The following ZNF610 variants were observed in gnomAD, a reference collection of about 807,000 sequenced individuals.
ZNF610 encodes zink finger protein.
ZNF610 carries 14 observed loss-of-function variants against 14.1 expected under a neutral mutation model. That is an observed-to-expected ratio of 0.99 (90% CI 0.65 to 1.55). ZNF610 has a LOEUF of 1.55. ZNF610 is among the 40% of genes most tolerant of loss of function. ZNF610 has a pLI of 0.00. For synonymous variants in ZNF610, 185 were observed against 187.6 expected (o/e 0.99, Z 0.11); for missense variants, 530 against 558.0 (o/e 0.95, Z 0.51).
chr19:52,343,812 A>C (rs185400599), intron 1 of ZNF610, among the ~76,000 whole-genome samples: 202 of 152,290 alleles, frequency 1.3e-3, no homozygotes, highest in Non-Finnish European at 2.4e-3. Flanking sequence ...GCATACAGCC[A>C]CGTCTCAGTG....
intron 1 of ZNF610, among the ~76,000 whole-genome samples, chr19:52,346,326 A>G (rs969839315): frequency 1.3e-4 from 20 of 150,564 alleles, no homozygotes; most frequent in Non-Finnish European, 2.8e-4. Context: ...CACCATGCCC[A>G]GCTAATTTTT....
intron 5 of ZNF610, among the ~76,000 whole-genome samples, chr19:52,355,005 C>A (rs1476208545): frequency 6.6e-6 from 1 of 152,222 alleles, no homozygotes; most frequent in Non-Finnish European, 1.5e-5. Flanking sequence ...TCACTCAGTT[C>A]TATAAATGTG....
chr19:52,363,272 A>G (rs1330319268), intron 5 of ZNF610, among the ~76,000 whole-genome samples: 1 of 151,952 alleles, frequency 6.6e-6, no homozygotes, highest in Non-Finnish European at 1.5e-5. Flanking sequence ...TAGGATTACT[A>G]GAATGCACCA....
chr19:52,348,432 G>A (rs1448441892), intron 2 of ZNF610, among the ~76,000 whole-genome samples: 3 of 151,822 alleles, frequency 2.0e-5, no homozygotes, highest in East Asian at 1.9e-4. Flanking sequence ...TCAGTCTGTC[G>A]TTGGTTGAAT....
chr19:52,338,750 G>T (rs1471439148), intron 1 of ZNF610, among the ~76,000 whole-genome samples: 1 of 152,082 alleles, frequency 6.6e-6, no homozygotes, highest in Non-Finnish European at 1.5e-5. Context: ...GCCCTGGCTG[G>T]TGTGCACTGG....
chr19:52,338,932 C>G (rs959069137), intron 1 of ZNF610, among the ~76,000 whole-genome samples: 3 of 136,386 alleles, frequency 2.2e-5, no homozygotes, highest in South Asian at 2.2e-4. Context: ...CGCGCCGGCC[C>G]GGTCTCTGAG....
In ZNF610 at chr19:52,366,139, A is replaced by G. The variant is rs1263073205; in HGVS notation, c.761A>G (p.His254Arg). The G allele has an allele frequency of 1.2e-6, 2 of 1,613,832 alleles. No individual in the cohort carries two copies. The highest frequency in any genetic ancestry group is 1.7e-6 in the Non-Finnish European group (2 of 1,179,878). The stretch of plus-strand genomic sequence containing the variant: ...CACCTTGTAGAACATTGGAGAATTC[A>G]TACTGGACAGAAGCCTTACAAATGT... ...NSHLVEHWRI[H>R]TGQKPYKCSE... is the part of the protein sequence containing the mutation. Residue 254 changes from histidine (H) to arginine (R), a missense_variant, in exon 6 of 6, where the codon CAT becomes CGT. By Grantham distance (29) the His-to-Arg change is conservative. Coordinates refer to ENST00000403906, the MANE Select transcript of ZNF610 (RefSeq NM_001161425.2).
intron 1 of ZNF610, among the ~76,000 whole-genome samples, chr19:52,338,554 G>A (rs372513574): frequency 2.0e-5 from 3 of 152,106 alleles, no homozygotes; most frequent in African/African-American, 4.8e-5. Flanking sequence ...GCATGGTGGC[G>A]TGTGCCTGTA....
intron 1 of ZNF610, among the ~76,000 whole-genome samples, chr19:52,340,744 A>G (rs533371471): frequency 2.6e-5 from 4 of 152,046 alleles, no homozygotes; most frequent in Admixed American, 2.0e-4. Context: ...GTAATGGCGC[A>G]ATCTCCACTC....
In ZNF610 at chr19:52,341,959, T is replaced by C. The variant is rs182406056; in HGVS notation, c.-258+5453T>C. ...CTGAATAGCTGGGACTACAGGCCCA[T>C]GCCAGTATGCCACTAATATTTTGGT... On this transcript the variant is annotated intron_variant, in intron 1 of 5. Transcript: ENST00000403906. 2.9e-3 allele frequency among the ~76,000 whole-genome samples: 442 copies of C among 152,246 alleles called. 1 individual carries two copies. The highest frequency in any genetic ancestry group is 7.7e-3 in the Admixed American group (118 of 15,286).
intron 1 of ZNF610, among the ~76,000 whole-genome samples, chr19:52,342,816 C>T (rs1043978984): frequency 2.6e-5 from 4 of 152,128 alleles, no homozygotes; most frequent in African/African-American, 4.8e-5. Flanking sequence ...TGAGCCACCG[C>T]GCCTGGCCCT....
intron 5 of ZNF610, among the ~76,000 whole-genome samples, chr19:52,365,228 A>C (rs1005963899): frequency 7.0e-6 from 1 of 143,766 alleles, no homozygotes; most frequent in Non-Finnish European, 1.5e-5. Flanking sequence ...ACAGAGAGAG[A>C]CTCCGTCTCA....
intron 5 of ZNF610, among the ~76,000 whole-genome samples, chr19:52,361,457 G>T (rs1347796242): frequency 6.6e-6 from 1 of 152,166 alleles, no homozygotes; most frequent in African/African-American, 2.4e-5. Context: ...GATTACAGGC[G>T]TGAGCCACTG....
At chr19:52,356,887 T>A (rs755102915) in intron 5 of ZNF610, among the ~76,000 whole-genome samples, 4 of 152,212 alleles carry the variant, frequency 2.6e-5, no homozygotes, top group African/African-American at 9.7e-5. Context: ...CACGCAACAA[T>A]AAACACAGAC....
rs71335642 is a variant in ZNF610 at position 52,367,131 on chromosome 19, C to CTT, written c.*373_*374dup. 35 of 174,600 alleles carry CTT rather than the reference C, an allele frequency of 2.0e-4. No individual in the cohort carries two copies. Among genetic ancestry groups the CTT allele is most frequent in the Non-Finnish European group, 3.3e-4 (28 of 84,822 alleles). The allele number at this position is 174,600 out of a possible 1,614,324, so 10.8% of individuals were successfully genotyped here. A position where few individuals can be genotyped will look rare whatever the true frequency, so the allele number is the denominator to read the frequency against. ...GTTTAAAGTTTTTTTTTAGTTTTTT[C>CTT]TTTTTTTTTTGAGACGAAGTCTCGC... On this transcript the variant is annotated 3_prime_UTR_variant, in exon 6 of 6. Transcript: ENST00000403906.
At chr19:52,361,013 C>T (rs1256430009) in intron 5 of ZNF610, among the ~76,000 whole-genome samples, 2 of 152,198 alleles carry the variant, frequency 1.3e-5, no homozygotes, top group East Asian at 1.9e-4. Flanking sequence ...ACAGTGAAGT[C>T]ATCTGGTTCA....
intron 3 of ZNF610, among the ~76,000 whole-genome samples, chr19:52,351,128 T>G (rs1426280313): frequency 6.6e-6 from 1 of 152,064 alleles, no homozygotes; most frequent in Non-Finnish European, 1.5e-5. Context: ...TCCTTGCTCC[T>G]TTACATCCTC....
At position 52,349,099 on chromosome 19, in the gene ZNF610, T is replaced by C. The variant is rs556195016; in HGVS notation, c.-19-55T>C. ...CTAACCTGTGTGTGTGGTTGTGGCA[T>C]AGGGAGGGGAATGTGTTGATTCCGA... On this transcript the variant is annotated intron_variant, in intron 2 of 5. Transcript: ENST00000403906. The C allele has an allele frequency of 4.1e-5, 53 of 1,294,694 alleles. No homozygotes were observed. In the African/African-American group the frequency reaches 7.3e-4, roughly 18 times the overall value. 80.2% of individuals were successfully genotyped at this position (1,294,694 alleles called of 1,614,324 possible).
intron 1 of ZNF610, among the ~76,000 whole-genome samples, chr19:52,338,711 T>A (rs930500312): frequency 6.6e-6 from 1 of 152,114 alleles, no homozygotes; most frequent in Non-Finnish European, 1.5e-5. Flanking sequence ...CATGTTTTTT[T>A]TTCTTTGAGA....
Sources: allele counts gnomAD v4.1 joint callset (sites outside exome capture counted in the v4.1 genomes callset), GRCh38; gene constraint gnomAD v4.1.1; transcripts MANE v1.5; gene names NCBI Gene and HGNC (gene_info 2026-07-23, HGNC 2026-07-21).